Variants in LOXHD1 observed in about 807,000 individuals in gnomAD.
LOXHD1 encodes the protein lipoxygenase homology domain-containing protein 1.
LOXHD1 carries 205 observed loss-of-function variants against 248.2 expected under a neutral mutation model. The observed-to-expected ratio is 0.83, with a 90% CI of 0.74 to 0.93. LOXHD1 has a LOEUF of 0.93. Ranked by LOEUF, LOXHD1 falls within the 40% of genes least tolerant of loss-of-function variation. The probability of loss-of-function intolerance (pLI) is 0.00; values close to 1 mark genes in which losing one functional copy is unlikely to be tolerated. For missense variants in LOXHD1, 2,930 were observed against 2,971.6 expected, an observed-to-expected ratio of 0.99 and a Z score of 0.33; for synonymous variants, 1,113 against 1,162.8, an observed-to-expected ratio of 0.96 and a Z score of 0.87.
chr18:46,651,455 C>T (rs1477544901), intron 1 of LOXHD1, among the ~76,000 whole-genome samples: 2 of 152,032 alleles, frequency 1.3e-5, no homozygotes, highest in Non-Finnish European at 1.5e-5. Context: ...AAGGCATTTC[C>T]AAACCAAATG....
intron 37 of LOXHD1, among the ~76,000 whole-genome samples, chr18:46,495,071 G>T (rs1484755648): frequency 6.6e-6 from 1 of 151,826 alleles, no homozygotes; most frequent in Non-Finnish European, 1.5e-5. Context: ...TTTCACCGTG[G>T]TCTCGATCTC....
At chr18:46,490,538 T>A (rs1449609034) in intron 37 of LOXHD1, among the ~76,000 whole-genome samples, 1 of 152,242 alleles carries the variant, frequency 6.6e-6, no homozygotes, top group African/African-American at 2.4e-5. Context: ...TGCAATGGCA[T>A]GATCTCGGCT....
intron 15 of LOXHD1, 69 bp downstream of exon 15, chr18:46,572,017 G>A: frequency 7.4e-7 from 1 of 1,351,098 alleles, no homozygotes; most frequent in Non-Finnish European, 1.0e-6. Flanking sequence ...TTTCTTGAAG[G>A]GCTTAGCTGA....
intron 33 of LOXHD1, among the ~76,000 whole-genome samples, chr18:46,518,517 T>G (rs1306905687): frequency 5.3e-5 from 8 of 152,226 alleles, no homozygotes; most frequent in African/African-American, 1.9e-4. Context: ...AAGCCTGGCG[T>G]TAACTGACGC....
chr18:46,602,205 A>ATTTATTT (rs772533366), intron 7 of LOXHD1, among the ~76,000 whole-genome samples: 6 of 151,970 alleles, frequency 3.9e-5, no homozygotes, highest in Non-Finnish European at 8.8e-5. Context: ...TTTTTATTTT[A>ATTTATTT]TTTATTTTTT....
chr18:46,587,988 C>G (rs1193973172), intron 12 of LOXHD1, among the ~76,000 whole-genome samples: 1 of 152,162 alleles, frequency 6.6e-6, no homozygotes, highest in Non-Finnish European at 1.5e-5. Context: ...CAACTTCAAA[C>G]TCAGAGAAAT....
chr18:46,529,716 C>T lies in LOXHD1; in HGVS notation c.4376-385G>A, dbSNP rs530318231. On this transcript the variant is annotated intron_variant, in intron 28 of 40. Coordinates refer to ENST00000642948, the MANE Select transcript of LOXHD1 (RefSeq NM_001384474.1). ...TGCCATGATACATGGCAATAAAATG[C>T]CTTCCCATTTGAGGGTGACCAGTGT... Among the ~76,000 whole-genome samples, 5 of 152,314 alleles carry T rather than the reference C, an allele frequency of 3.3e-5. No homozygotes were observed. The South Asian group carries it at 8.3e-4, about 25-fold the overall frequency.
At chr18:46,580,443 C>T (rs75867686) in intron 12 of LOXHD1, among the ~76,000 whole-genome samples, 1,797 of 152,342 alleles carry the variant, frequency 0.012, 48 homozygotes, top group East Asian at 0.079. Flanking sequence ...GCAACTTCTT[C>T]CCATGTTGAA....
intron 8 of LOXHD1, among the ~76,000 whole-genome samples, chr18:46,597,616 A>T (rs923715147): frequency 6.6e-6 from 1 of 152,088 alleles, no homozygotes; most frequent in Non-Finnish European, 1.5e-5. Context: ...CTGCAACCAA[A>T]CATTTGGGAA....
chr18:46,549,067 T>A (rs1568171755), intron 21 of LOXHD1, among the ~76,000 whole-genome samples: 1 of 152,146 alleles, frequency 6.6e-6, no homozygotes, highest in Non-Finnish European at 1.5e-5. Flanking sequence ...ACATGAAGAT[T>A]TAGGACACCA....
intron 25 of LOXHD1, among the ~76,000 whole-genome samples, chr18:46,539,171 G>C (rs1342822570): frequency 2.6e-5 from 4 of 152,182 alleles, no homozygotes; most frequent in Non-Finnish European, 5.9e-5. Context: ...TAAAAATACA[G>C]ATTTGCAGGC....
intron 3 of LOXHD1, among the ~76,000 whole-genome samples, chr18:46,640,126 C>T (rs2038944735): frequency 6.6e-6 from 1 of 152,188 alleles, no homozygotes; most frequent in South Asian, 2.1e-4. Flanking sequence ...GGTCTGTTTC[C>T]TTACCCTGGC....
chr18:46,563,935 G>A (rs1162228329), intron 17 of LOXHD1, among the ~76,000 whole-genome samples: 2 of 151,944 alleles, frequency 1.3e-5, no homozygotes, highest in Non-Finnish European at 2.9e-5. Flanking sequence ...GCGATCCATC[G>A]AAAAAGGAGA....
At position 46,560,146 on chromosome 18, in the gene LOXHD1, G is replaced by A. The variant is rs199847981; in HGVS notation, c.2998C>T (p.Arg1000Trp). The A allele has an allele frequency of 8.4e-4, 1,154 of 1,372,566 alleles. No individual in the cohort carries two copies. Among genetic ancestry groups the A allele is most frequent in the Non-Finnish European group, 1.0e-3 (1,088 of 1,037,078 alleles). 85.0% of individuals were successfully genotyped at this position (1,372,566 alleles called of 1,614,324 possible). The change falls in exon 19 of 41, where the codon CGG becomes TGG. Residue 1000 changes from arginine to tryptophan, a missense_variant. Coordinates refer to ENST00000642948, the MANE Select transcript of LOXHD1 (RefSeq NM_001384474.1). ...ACAAGTTCGTTGTCCTCCTTGCCCC[G>A]GGCCAGCCAGCGGTGGGCTTCGAAC... The part of the protein sequence containing the change: ...HKFEAHRWLA[R>W]GKEDNELVVE...
chr18:46,575,878 C>G (rs1420718793), intron 14 of LOXHD1, among the ~76,000 whole-genome samples: 1 of 152,190 alleles, frequency 6.6e-6, no homozygotes, highest in Non-Finnish European at 1.5e-5. Context: ...GCCAGACAGG[C>G]CTTCCTCGCA....
intron 19 of LOXHD1, 46 bp from the exon 20 acceptor site, chr18:46,559,648 G>T: frequency 6.5e-7 from 1 of 1,541,744 alleles, no homozygotes. Context: ...ATGGCCATGG[G>T]GTGTTTGGAC....
chr18:46,523,759 C>T lies in LOXHD1; in HGVS notation c.4876+707G>A, dbSNP rs2035692852. Among the ~76,000 whole-genome samples, 3 of 151,896 alleles carry T rather than the reference C, an allele frequency of 2.0e-5. No individual in the cohort carries two copies. In the South Asian group the frequency reaches 6.3e-4, roughly 32 times the overall value. On this transcript the variant is annotated intron_variant, in intron 31 of 40. Transcript: ENST00000642948. ...AGCCTTTCCACAGGTGATCATAGTG[C>T]TTAAGGAAAGGTACTTTCTTGGTGG...
At position 46,522,081 on chromosome 18, in the gene LOXHD1, G is replaced by A; in HGVS notation, c.5085+20C>T. The A allele has an allele frequency of 1.3e-6, 2 of 1,539,366 alleles. No individual in the cohort carries two copies. Among genetic ancestry groups the A allele is most frequent in the Non-Finnish European group, 8.8e-7 (1 of 1,142,052 alleles). On this transcript the variant is annotated intron_variant, in intron 32 of 40. Transcript: ENST00000642948. ...TATCCCTAGGGTGGTCACTATCATG[G>A]GGCCCCGAGAAGCCAGCACCTCTAT...
At chr18:46,528,788 A>T (rs1030328794) in intron 29 of LOXHD1, among the ~76,000 whole-genome samples, 1 of 151,870 alleles carries the variant, frequency 6.6e-6, no homozygotes, top group Non-Finnish European at 1.5e-5. Flanking sequence ...TCCCCTCTCC[A>T]CCCCACAGTT....
Sources: gnomAD v4.1 joint callset for allele counts (sites outside exome capture counted in the v4.1 genomes callset) on GRCh38, gnomAD v4.1.1 for gene constraint, MANE v1.5 for transcripts, NCBI Gene and HGNC (gene_info 2026-07-23, HGNC 2026-07-21) for gene names.